Variants in TAFA1 observed in about 807,000 individuals in gnomAD.
The protein encoded by TAFA1 is chemokine-like protein TAFA-1.
In TAFA1, 4 loss-of-function variants were observed where a neutral mutation model predicts 18.5. The ratio of observed to expected loss-of-function variants is 0.22; its 90% confidence interval spans 0.11 to 0.49. TAFA1 has a LOEUF of 0.49. Among genes scored for constraint, TAFA1 ranks in the 20% least tolerant of loss-of-function variants. The pLI is 0.98. For synonymous variants in TAFA1, 56 were observed against 55.2 expected, an observed-to-expected ratio of 1.01 and a Z score of -0.06; for missense variants, 147 against 169.0, an observed-to-expected ratio of 0.87 and a Z score of 0.72.
Position 68,405,650 on chromosome 3 carries a change from T to G in TAFA1, c.119-11630T>G, listed in dbSNP as rs145216878. The stretch of plus-strand genomic sequence containing the variant: ...GGGAGGCCAAGGCTGTAGTGAGCTG[T>G]GATCATGCTACTGCACTCCAACCTA... On this transcript the variant is annotated intron_variant, in intron 2 of 4. Transcript: ENST00000478136. 2.7e-4 allele frequency among the ~76,000 whole-genome samples: 36 copies of G among 132,444 alleles called. No homozygotes were observed. The East Asian group carries it at 4.4e-3, about 16-fold the overall frequency. The allele number at this position is 132,444 out of a possible 152,430, so 86.9% of individuals were successfully genotyped here.
chr3:68,459,399 T>C (rs1454841842), intron 3 of TAFA1, among the ~76,000 whole-genome samples: 1 of 152,232 alleles, frequency 6.6e-6, no homozygotes, highest in African/African-American at 2.4e-5. Context: ...TGATCTTGAG[T>C]TCAGAAGCTA....
chr3:68,393,933 A>T (rs2070319801), intron 2 of TAFA1, among the ~76,000 whole-genome samples: 1 of 152,176 alleles, frequency 6.6e-6, no homozygotes, highest in African/African-American at 2.4e-5. Flanking sequence ...AGCTGGAAGC[A>T]TTCCCTTTGA....
chr3:68,275,878 T>C (rs1035549366), intron 2 of TAFA1, among the ~76,000 whole-genome samples: 1 of 152,110 alleles, frequency 6.6e-6, no homozygotes, highest in Non-Finnish European at 1.5e-5. Context: ...TGCGACTACC[T>C]AACTGAGCCT....
At chr3:68,061,902 T>G (rs2064606276) in intron 2 of TAFA1, among the ~76,000 whole-genome samples, 1 of 152,110 alleles carries the variant, frequency 6.6e-6, no homozygotes, top group African/African-American at 2.4e-5. Flanking sequence ...TATATCACAT[T>G]TATCCCTCAT....
At chr3:68,089,857 A>C (rs2065011712) in intron 2 of TAFA1, among the ~76,000 whole-genome samples, 1 of 152,224 alleles carries the variant, frequency 6.6e-6, no homozygotes, top group Non-Finnish European at 1.5e-5. Flanking sequence ...AAATGTAAAC[A>C]ACACTGGCTT....
intron 2 of TAFA1, among the ~76,000 whole-genome samples, chr3:68,277,087 A>G (rs748837732): frequency 1.3e-5 from 2 of 152,114 alleles, no homozygotes; most frequent in Non-Finnish European, 2.9e-5. Context: ...AAGGCTGGAA[A>G]TACATGAGAA....
In TAFA1 at chr3:68,493,168, A is replaced by G. The variant is rs1575919904; in HGVS notation, c.260-45588A>G. 3.9e-5 allele frequency among the ~76,000 whole-genome samples: 6 copies of G among 152,190 alleles called. No individual in the cohort carries two copies. The East Asian group carries it at 1.2e-3, about 29-fold the overall frequency. On this transcript the variant is annotated intron_variant, in intron 3 of 4. Coordinates refer to ENST00000478136, the MANE Select transcript of TAFA1 (RefSeq NM_213609.4). ...CCCTTTTCTCCCTCTTCCTCGTCTC[A>G]GCAACCACCATTCTACTTCTGTCTC...
intron 3 of TAFA1, among the ~76,000 whole-genome samples, chr3:68,456,179 A>G (rs1052773882): frequency 6.6e-6 from 1 of 152,186 alleles, no homozygotes; most frequent in Non-Finnish European, 1.5e-5. Flanking sequence ...TTCTTGCACA[A>G]CAAAAAGCCT....
At chr3:68,154,731 G>C (rs1042589627) in intron 2 of TAFA1, among the ~76,000 whole-genome samples, 3 of 152,092 alleles carry the variant, frequency 2.0e-5, no homozygotes, top group Non-Finnish European at 4.4e-5. Context: ...CTTGGGGGTA[G>C]TTCTCTCCCT....
At chr3:68,223,745 T>C (rs998685550) in intron 2 of TAFA1, among the ~76,000 whole-genome samples, 3 of 152,104 alleles carry the variant, frequency 2.0e-5, no homozygotes, top group African/African-American at 7.2e-5. Flanking sequence ...TGGCTATGTA[T>C]TCAGGGCCAT....
chr3:68,401,568 C>T (rs2070492214), intron 2 of TAFA1, among the ~76,000 whole-genome samples: 1 of 152,200 alleles, frequency 6.6e-6, no homozygotes, highest in South Asian at 2.1e-4. Flanking sequence ...GCTTTTCCAT[C>T]ATGGTGTTTA....
intron 2 of TAFA1, among the ~76,000 whole-genome samples, chr3:68,365,883 C>T (rs1173203455): frequency 1.3e-5 from 2 of 151,892 alleles, no homozygotes; most frequent in African/African-American, 2.4e-5. Flanking sequence ...GTCAGGAGTT[C>T]GAGACCAACC....
At chr3:68,426,434 T>C (rs2071055618) in intron 3 of TAFA1, among the ~76,000 whole-genome samples, 1 of 151,852 alleles carries the variant, frequency 6.6e-6, no homozygotes, top group African/African-American at 2.4e-5. Flanking sequence ...TACAGACTGC[T>C]CTGAACCTAA....
intron 2 of TAFA1, among the ~76,000 whole-genome samples, chr3:68,410,955 C>T (rs970215099): frequency 1.3e-5 from 2 of 152,124 alleles, no homozygotes; most frequent in African/African-American, 4.8e-5. Flanking sequence ...CCTTAAAATA[C>T]AAATACATTG....
intron 2 of TAFA1, among the ~76,000 whole-genome samples, chr3:68,073,932 G>A (rs1338364137): frequency 6.6e-6 from 1 of 152,116 alleles, no homozygotes; most frequent in Non-Finnish European, 1.5e-5. Flanking sequence ...GTTTTGGGAT[G>A]ATTCAAGCAC....
intron 2 of TAFA1, among the ~76,000 whole-genome samples, chr3:68,207,206 C>A (rs954330563): frequency 6.6e-6 from 1 of 151,780 alleles, no homozygotes; most frequent in African/African-American, 2.4e-5. Flanking sequence ...TATGGAGTGA[C>A]ATTTTGGTAA....
At chr3:68,116,918 T>C (rs1313819097) in intron 2 of TAFA1, among the ~76,000 whole-genome samples, 1 of 152,168 alleles carries the variant, frequency 6.6e-6, no homozygotes, top group Non-Finnish European at 1.5e-5. Flanking sequence ...AGTTGAGTAG[T>C]TGGTGACAGA....
chr3:68,180,952 G>C (rs1157219807), intron 2 of TAFA1, among the ~76,000 whole-genome samples: 1 of 152,168 alleles, frequency 6.6e-6, no homozygotes, highest in African/African-American at 2.4e-5. Context: ...CATTTTGCTG[G>C]CACTCTTGGT....
chr3:68,278,100 A>T (rs1447524220), intron 2 of TAFA1, among the ~76,000 whole-genome samples: 2 of 152,166 alleles, frequency 1.3e-5, no homozygotes, highest in African/African-American at 4.8e-5. Flanking sequence ...AGCATGTTTA[A>T]ACATTCTAAT....
Sources: allele counts gnomAD v4.1 joint callset (sites outside exome capture counted in the v4.1 genomes callset), GRCh38; gene constraint gnomAD v4.1.1; transcripts MANE v1.5; gene names NCBI Gene and HGNC (gene_info 2026-07-23, HGNC 2026-07-21).